The following DPYD variants were observed in gnomAD, a reference collection of about 807,000 sequenced individuals.
DPYD encodes dihydropyrimidine dehydrogenase [NADP(+)].
DPYD carries 109 observed loss-of-function variants against 116.2 expected under a neutral mutation model. The ratio of observed to expected loss-of-function variants is 0.94; its 90% CI spans 0.80 to 1.10. The LOEUF is 1.10. Ranked by LOEUF, DPYD falls within the 50% of genes least tolerant of loss-of-function variation. DPYD has a pLI of 0.00. For missense variants in DPYD, 1,302 were observed against 1,254.5 expected (o/e 1.04, Z -0.57); for synonymous variants, 440 against 432.0 (o/e 1.02, Z -0.23).
chr1:97,631,971 T>C (rs1444579172), intron 8 of DPYD, among the ~76,000 whole-genome samples: 1 of 152,058 alleles, frequency 6.6e-6, no homozygotes, highest in African/African-American at 2.4e-5. Flanking sequence ...CTTCTAAAAT[T>C]CTATACCACC....
At chr1:97,257,434 CGT>C (rs1491582412) in intron 18 of DPYD, among the ~76,000 whole-genome samples, 2 of 95,414 alleles carry the variant, frequency 2.1e-5, no homozygotes, top group East Asian at 4.1e-4. Context: ...CATATACATA[CGT>C]ATATATATAT....
intron 2 of DPYD, among the ~76,000 whole-genome samples, chr1:97,867,592 A>G (rs1480764274): frequency 6.6e-6 from 1 of 151,944 alleles, no homozygotes; most frequent in Non-Finnish European, 1.5e-5. Context: ...AGTGTGATAT[A>G]CCACATTAAT....
At position 97,386,672 on chromosome 1, in the gene DPYD, T is replaced by C. The variant is rs115518804; in HGVS notation, c.1906-4211A>G. ...AATTAAATTTCAGGAAAAATGACTT[T>C]ATATTTATTTTAAAAATGTGAAATG... On this transcript the variant is annotated intron_variant, in intron 14 of 22. Coordinates refer to ENST00000370192, the MANE Select transcript of DPYD (RefSeq NM_000110.4). Among the ~76,000 whole-genome samples, 792 of 152,292 alleles carry C rather than the reference T, an allele frequency of 5.2e-3. 10 individuals are homozygous for C. The highest frequency in any genetic ancestry group is 0.018 in the African/African-American group (745 of 41,582).
intron 11 of DPYD, among the ~76,000 whole-genome samples, chr1:97,550,349 A>C (rs1279493320): frequency 1.3e-5 from 2 of 152,126 alleles, no homozygotes; most frequent in African/African-American, 4.8e-5. Flanking sequence ...AACAAATGCA[A>C]ACATTACCAT....
chr1:97,458,899 T>C (rs1415691143), intron 13 of DPYD, among the ~76,000 whole-genome samples: 1 of 152,078 alleles, frequency 6.6e-6, no homozygotes, highest in Non-Finnish European at 1.5e-5. Context: ...TATTTATAAA[T>C]TCCCATAAAT....
At chr1:97,519,026 A>G (rs989968017) in intron 12 of DPYD, among the ~76,000 whole-genome samples, 1 of 152,166 alleles carries the variant, frequency 6.6e-6, no homozygotes, top group Non-Finnish European at 1.5e-5. Context: ...AGGGTTTTAG[A>G]TGACCTTTAA....
At chr1:97,895,365 C>T (rs1673004856) in intron 1 of DPYD, among the ~76,000 whole-genome samples, 1 of 151,712 alleles carries the variant, frequency 6.6e-6, no homozygotes, top group Admixed American at 6.6e-5. Context: ...TGCTGGAAAA[C>T]AGGACTTCAA....
chr1:97,484,546 G>C (rs971485001), intron 13 of DPYD, among the ~76,000 whole-genome samples: 20 of 151,988 alleles, frequency 1.3e-4, no homozygotes, highest in African/African-American at 2.4e-4. Flanking sequence ...CATTTCTGGG[G>C]ACATCTTCTC....
intron 16 of DPYD, among the ~76,000 whole-genome samples, chr1:97,372,888 AG>A: frequency 6.6e-6 from 1 of 152,366 alleles, no homozygotes; most frequent in South Asian, 2.1e-4. Flanking sequence ...TGGGCTTAAA[AG>A]GTAAATTATA....
At chr1:97,439,605 T>A (rs1051816908) in intron 14 of DPYD, among the ~76,000 whole-genome samples, 2 of 152,116 alleles carry the variant, frequency 1.3e-5, no homozygotes, top group South Asian at 2.1e-4. Flanking sequence ...TTCTTCTTTT[T>A]GTTTCCTGAT....
intron 8 of DPYD, among the ~76,000 whole-genome samples, chr1:97,674,945 C>T (rs990807760): frequency 6.6e-6 from 1 of 152,072 alleles, no homozygotes; most frequent in African/African-American, 2.4e-5. Flanking sequence ...TCCATCAGAG[C>T]CCTTACATTG....
intron 14 of DPYD, among the ~76,000 whole-genome samples, chr1:97,390,143 AAC>A: frequency 6.6e-6 from 1 of 152,212 alleles, no homozygotes; most frequent in South Asian, 2.1e-4. Context: ...TGCTTTTTAA[AAC>A]ACATTGACAA....
intron 19 of DPYD, among the ~76,000 whole-genome samples, chr1:97,225,003 GTCTATCTATCTATCTA>G (rs3050227): frequency 0.081 from 10,236 of 127,108 alleles, 454 homozygotes; most frequent in South Asian, 0.14. Context: ...CTGTCTGTCT[GTCTATCTATCTATCTA>G]TCTATCTATC....
intron 8 of DPYD, among the ~76,000 whole-genome samples, chr1:97,657,539 C>T (rs947988579): frequency 1.3e-4 from 20 of 152,156 alleles, no homozygotes; most frequent in African/African-American, 4.8e-4. Context: ...GAATGATCTC[C>T]TCTCAATCAG....
intron 2 of DPYD, among the ~76,000 whole-genome samples, chr1:97,829,830 T>C (rs1031962737): frequency 3.9e-5 from 6 of 151,974 alleles, no homozygotes; most frequent in Admixed American, 2.0e-4. Flanking sequence ...ATATGTGCCA[T>C]GTTGGCTTGC....
intron 14 of DPYD, among the ~76,000 whole-genome samples, chr1:97,387,083 A>AATATTTCACTT (rs1672390905): frequency 6.6e-6 from 1 of 152,140 alleles, no homozygotes; most frequent in Non-Finnish European, 1.5e-5. Context: ...TTTCTATATC[A>AATATTTCACTT]ATATTTCACT....
chr1:97,532,143 A>G (rs1205599312), intron 12 of DPYD, among the ~76,000 whole-genome samples: 5 of 152,060 alleles, frequency 3.3e-5, no homozygotes, highest in Admixed American at 3.3e-4. Flanking sequence ...TTTGCCCATC[A>G]TTCTGTTAAT....
chr1:97,569,478 T>G (rs1011366380), intron 11 of DPYD, among the ~76,000 whole-genome samples: 3 of 148,990 alleles, frequency 2.0e-5, no homozygotes, highest in African/African-American at 7.3e-5. Flanking sequence ...AAAATATACA[T>G]ATACATATTT....
intron 19 of DPYD, among the ~76,000 whole-genome samples, chr1:97,226,983 T>C (rs1661210860): frequency 6.6e-6 from 1 of 152,100 alleles, no homozygotes; most frequent in South Asian, 2.1e-4. Flanking sequence ...GGAGAAATGA[T>C]ACATTCCAAG....
Sources: allele counts gnomAD v4.1 joint callset (sites outside exome capture counted in the v4.1 genomes callset), GRCh38; gene constraint gnomAD v4.1.1; transcripts MANE v1.5; gene names NCBI Gene and HGNC (gene_info 2026-07-23, HGNC 2026-07-21).